Variants in FMNL2 observed in about 807,000 individuals in gnomAD.
FMNL2 encodes formin-like protein 2.
In FMNL2, 51 loss-of-function variants were observed where a neutral mutation model predicts 130.2. The ratio of observed to expected loss-of-function variants is 0.39; its 90% CI spans 0.31 to 0.49. The LOEUF (loss-of-function observed/expected upper bound fraction) is 0.49, where lower values mean the gene tolerates loss of function less well. Ranked by LOEUF, FMNL2 falls within the 20% of genes least tolerant of loss-of-function variation. The pLI is 0.85. For missense variants in FMNL2, 977 were observed against 1,316.2 expected (o/e 0.74, Z 3.99); for synonymous variants, 465 against 467.1 (o/e 1.00, Z 0.06).
intron 21 of FMNL2, among the ~76,000 whole-genome samples, chr2:152,633,544 G>A (rs1004886518): frequency 3.3e-5 from 5 of 152,212 alleles, no homozygotes; most frequent in Admixed American, 3.3e-4. Flanking sequence ...AAATGCTGCA[G>A]AAGCTGTGGT....
Position 152,629,892 on chromosome 2 carries a change from A to G in FMNL2, c.2537A>G (p.Gln846Arg), listed in dbSNP as rs1356462384. 6.2e-7 allele frequency: 1 copy of G among 1,609,068 alleles called. No homozygotes were observed. The highest frequency in any genetic ancestry group is 2.2e-5 in the East Asian group (1 of 44,812). ...KRGAVYGFKL[Q>R]SLDLLLDTKS... Reference sequence around the variant, plus strand: ...GGAGCAGTTTATGGATTTAAACTTCAGAGTTTAGATCTGGTGAGTGGACTA... The same window carrying G: ...GGAGCAGTTTATGGATTTAAACTTCGGAGTTTAGATCTGGTGAGTGGACTA... The change falls in exon 20 of 26, where the codon CAG (glutamine) becomes CGG (arginine). Residue 846 changes from glutamine (Q) to arginine (R), a missense_variant. Physicochemically the swap from Gln to Arg is conservative, Grantham distance 43. Around this residue, in one of 4 missense-constraint regions of FMNL2, gnomAD observed 689 missense variants for 995.9 expected, o/e 0.69. Transcript: ENST00000288670.
intron 21 of FMNL2, among the ~76,000 whole-genome samples, chr2:152,633,473 GAAAT>G (rs1445927321): frequency 2.0e-5 from 3 of 152,112 alleles, no homozygotes; most frequent in Admixed American, 6.6e-5. Flanking sequence ...TTGGATGTTG[GAAAT>G]AAATGAATGA....
At chr2:152,557,988 C>T (rs1004332471) in intron 4 of FMNL2, among the ~76,000 whole-genome samples, 2 of 152,076 alleles carry the variant, frequency 1.3e-5, no homozygotes, top group South Asian at 2.1e-4. Flanking sequence ...ATCCATCTCC[C>T]TAAAGATTCT....
intron 1 of FMNL2, among the ~76,000 whole-genome samples, chr2:152,515,797 A>G (rs571292377): frequency 1.3e-5 from 2 of 152,326 alleles, no homozygotes; most frequent in South Asian, 2.1e-4. Context: ...CAAAGAGCCT[A>G]AGTGCCTGAG....
At chr2:152,388,965 G>A (rs1019880949) in intron 1 of FMNL2, among the ~76,000 whole-genome samples, 11 of 152,124 alleles carry the variant, frequency 7.2e-5, no homozygotes, top group African/African-American at 2.7e-4. Context: ...ATTTAAGGTG[G>A]CTAGCAGGAT....
chr2:152,413,633 T>C (rs1404514214), intron 1 of FMNL2, among the ~76,000 whole-genome samples: 2 of 152,168 alleles, frequency 1.3e-5, no homozygotes, highest in African/African-American at 4.8e-5. Context: ...AACAATGTGA[T>C]AATCTAGATA....
chr2:152,612,983 C>G (rs1347353532), intron 11 of FMNL2, among the ~76,000 whole-genome samples: 2 of 152,138 alleles, frequency 1.3e-5, no homozygotes, highest in African/African-American at 2.4e-5. Flanking sequence ...CAGACTGTAC[C>G]CTCAGTTTAT....
intron 1 of FMNL2, among the ~76,000 whole-genome samples, chr2:152,428,514 C>T (rs1429912640): frequency 6.6e-6 from 1 of 152,098 alleles, no homozygotes; most frequent in East Asian, 1.9e-4. Context: ...TTGATGTCTT[C>T]TAGGTTAGCT....
intron 13 of FMNL2, among the ~76,000 whole-genome samples, chr2:152,618,603 T>G (rs1699074372): frequency 1.3e-5 from 2 of 152,176 alleles, no homozygotes; most frequent in Non-Finnish European, 2.9e-5. Flanking sequence ...CAGGGAAAAT[T>G]GAGTTAGCTG....
chr2:152,500,587 C>T (rs563920919), intron 1 of FMNL2, among the ~76,000 whole-genome samples: 7 of 152,334 alleles, frequency 4.6e-5, no homozygotes, highest in African/African-American at 7.2e-5. Flanking sequence ...CGATGGCTCA[C>T]GCCTGTAATC....
chr2:152,496,638 C>T (rs899218930), intron 1 of FMNL2, among the ~76,000 whole-genome samples: 2 of 152,180 alleles, frequency 1.3e-5, no homozygotes, highest in African/African-American at 2.4e-5. Flanking sequence ...TTTCTGTCAT[C>T]CCGTCATATG....
intron 9 of FMNL2, among the ~76,000 whole-genome samples, chr2:152,601,052 A>C (rs1049546259): frequency 6.6e-6 from 1 of 152,096 alleles, no homozygotes; most frequent in South Asian, 2.1e-4. Flanking sequence ...ATTTTTTTCA[A>C]ATTTTTTATT....
intron 1 of FMNL2, among the ~76,000 whole-genome samples, chr2:152,489,885 A>G (rs1330300009): frequency 6.6e-6 from 1 of 152,234 alleles, no homozygotes; most frequent in Non-Finnish European, 1.5e-5. Flanking sequence ...TTTGTCAGCC[A>G]AAACATACTG....
At chr2:152,471,132 T>G (rs1462558220) in intron 1 of FMNL2, among the ~76,000 whole-genome samples, 1 of 151,492 alleles carries the variant, frequency 6.6e-6, no homozygotes, top group Non-Finnish European at 1.5e-5. Context: ...AGATCTAATT[T>G]TCAAAGCTGT....
At chr2:152,394,505 GTTC>G (rs1370459645) in intron 1 of FMNL2, among the ~76,000 whole-genome samples, 1 of 151,758 alleles carries the variant, frequency 6.6e-6, no homozygotes, top group Non-Finnish European at 1.5e-5. Context: ...GTTCCTCTTA[GTTC>G]TTCTTGGCTC....
At chr2:152,372,802 CT>C (rs1364343946) in intron 1 of FMNL2, among the ~76,000 whole-genome samples, 1 of 152,190 alleles carries the variant, frequency 6.6e-6, no homozygotes, top group Non-Finnish European at 1.5e-5. Flanking sequence ...GACAGAGCAG[CT>C]TCCTCTGGTT....
chr2:152,375,883 A>ATATG (rs1560310895), intron 1 of FMNL2, among the ~76,000 whole-genome samples: 1 of 98,014 alleles, frequency 1.0e-5, no homozygotes, highest in African/African-American at 3.5e-5. Context: ...CTCTCTATAT[A>ATATG]TATATATATA....
intron 6 of FMNL2, among the ~76,000 whole-genome samples, chr2:152,564,052 A>G (rs1695675967): frequency 6.6e-6 from 1 of 152,184 alleles, no homozygotes; most frequent in African/African-American, 2.4e-5. Context: ...CCATACTAGA[A>G]TAAAGCCTGC....
intron 1 of FMNL2, among the ~76,000 whole-genome samples, chr2:152,479,191 A>G (rs1690339486): frequency 6.6e-6 from 1 of 152,088 alleles, no homozygotes; most frequent in South Asian, 2.1e-4. Context: ...TGATGTGATC[A>G]TGGCTCACTG....
Sources: gnomAD v4.1 joint callset for allele counts (sites outside exome capture counted in the v4.1 genomes callset) on GRCh38, gnomAD v4.1.1 for gene constraint, gnomAD v4.1.1 regional missense constraint, MANE v1.5 for transcripts, NCBI Gene and HGNC (gene_info 2026-07-23, HGNC 2026-07-21) for gene names.